The following OPCML variants were observed in gnomAD, a reference collection of about 807,000 sequenced individuals.
OPCML encodes the protein opioid binding protein/cell adhesion molecule like.
A neutral mutation model predicts 37.8 loss-of-function variants in OPCML; 13 were observed. That is an observed-to-expected ratio of 0.34 (90% confidence interval 0.22 to 0.55). The LOEUF (loss-of-function observed/expected upper bound fraction) is 0.55, where lower values mean the gene tolerates loss of function less well. Among genes scored for constraint, OPCML ranks in the 20% least tolerant of loss-of-function variants. OPCML has a pLI of 0.91. For synonymous variants in OPCML, 176 were observed against 168.8 expected (o/e 1.04, Z -0.33); for missense variants, 341 against 435.6 (o/e 0.78, Z 1.93).
chr11:132,851,639 A>AT, intron 2 of OPCML, among the ~76,000 whole-genome samples: 1 of 152,360 alleles, frequency 6.6e-6, no homozygotes, highest in South Asian at 2.1e-4. Flanking sequence ...TGGCAATAAA[A>AT]TATTTACTAA....
At chr11:132,495,287 T>C (rs2137090097) in intron 4 of OPCML, among the ~76,000 whole-genome samples, 1 of 152,260 alleles carries the variant, frequency 6.6e-6, no homozygotes, top group East Asian at 1.9e-4. Flanking sequence ...AAAACTGTAA[T>C]AAGACAACTA....
At chr11:132,836,312 G>A (rs1243255044) in intron 2 of OPCML, among the ~76,000 whole-genome samples, 1 of 152,100 alleles carries the variant, frequency 6.6e-6, no homozygotes, top group Admixed American at 6.5e-5. Flanking sequence ...TGCCTGCTCA[G>A]CATTATCTGT....
At chr11:132,437,564 T>C in intron 4 of OPCML, 1 of 757,238 alleles carries the variant, frequency 1.3e-6, no homozygotes, top group Non-Finnish European at 1.6e-6. Flanking sequence ...CTTGCATCAA[T>C]GTATTTTCAG....
In OPCML at chr11:132,935,080, G is replaced by A. The variant is rs559034467; in HGVS notation, c.146+7846C>T. On this transcript the variant is annotated intron_variant, in intron 2 of 7. Coordinates refer to ENST00000524381, the MANE Select transcript of OPCML (RefSeq NM_001012393.5). ...CTTGAACCCAGGAGGTGGAGGTTGC[G>A]GTGAGCCAAGATCGCACCATTGCAC... is the stretch of plus-strand genomic sequence containing the variant. Among the ~76,000 whole-genome samples the A allele has an allele frequency of 2.2e-4, 34 of 151,406 alleles. 1 individual carries two copies. The highest frequency in any genetic ancestry group is 3.4e-3 in the Middle Eastern group (1 of 294).
intron 3 of OPCML, among the ~76,000 whole-genome samples, chr11:132,610,605 T>G (rs1938580223): frequency 6.6e-6 from 1 of 152,146 alleles, no homozygotes; most frequent in South Asian, 2.1e-4. Context: ...CGCTCGGAAC[T>G]AGGGGAGTGG....
intron 1 of OPCML, among the ~76,000 whole-genome samples, chr11:133,160,032 AAT>A (rs1950119962): frequency 6.6e-6 from 1 of 152,352 alleles, no homozygotes; most frequent in South Asian, 2.1e-4. Context: ...ACACTGGCTT[AAT>A]CACATAATGT....
intron 2 of OPCML, among the ~76,000 whole-genome samples, chr11:132,821,326 C>T (rs971886784): frequency 6.6e-6 from 1 of 152,170 alleles, no homozygotes; most frequent in African/African-American, 2.4e-5. Context: ...AGCACAGGCT[C>T]CTTTCAACCA....
chr11:132,548,221 G>C (rs180795551), intron 3 of OPCML, among the ~76,000 whole-genome samples: 1 of 152,306 alleles, frequency 6.6e-6, no homozygotes, highest in Non-Finnish European at 1.5e-5. Flanking sequence ...AGGGTGCAGA[G>C]AGTAAAAGGA....
intron 1 of OPCML, among the ~76,000 whole-genome samples, chr11:133,476,781 G>A (rs1947249924): frequency 6.6e-6 from 1 of 152,160 alleles, no homozygotes; most frequent in Non-Finnish European, 1.5e-5. Flanking sequence ...AGGGCCGGTA[G>A]TTTTGGCCCA....
At chr11:132,759,622 T>C (rs1030686545) in intron 2 of OPCML, among the ~76,000 whole-genome samples, 1 of 152,184 alleles carries the variant, frequency 6.6e-6, no homozygotes, top group Non-Finnish European at 1.5e-5. Flanking sequence ...TGGTAGTTTG[T>C]GTTTCTTTGG....
intron 3 of OPCML, among the ~76,000 whole-genome samples, chr11:132,643,845 T>G (rs1311654249): frequency 6.6e-6 from 1 of 152,130 alleles, no homozygotes; most frequent in Non-Finnish European, 1.5e-5. Context: ...GTGTGTGTGT[T>G]TTGCTAATTG....
intron 1 of OPCML, chr11:133,066,909 C>T (rs894377340): frequency 3.9e-5 from 6 of 152,136 alleles, no homozygotes; most frequent in African/African-American, 1.4e-4. Flanking sequence ...GAACTCCTGA[C>T]CTCAGATGAT....
At chr11:132,944,788 G>T (rs1229927517) in intron 1 of OPCML, among the ~76,000 whole-genome samples, 1 of 152,162 alleles carries the variant, frequency 6.6e-6, no homozygotes, top group Non-Finnish European at 1.5e-5. Flanking sequence ...CCCCTCGGGA[G>T]GCCCTCTCCG....
At chr11:133,375,663 T>A (rs1301222725) in intron 1 of OPCML, among the ~76,000 whole-genome samples, 3 of 152,246 alleles carry the variant, frequency 2.0e-5, no homozygotes, top group South Asian at 4.1e-4. Flanking sequence ...TACTTACACT[T>A]ATCTGTCCTT....
At chr11:132,485,917 T>A (rs1421948871) in intron 4 of OPCML, among the ~76,000 whole-genome samples, 1 of 152,326 alleles carries the variant, frequency 6.6e-6, no homozygotes, top group African/African-American at 2.4e-5. Context: ...AGGAGTGGAA[T>A]TGCAGTGCCA....
intron 1 of OPCML, among the ~76,000 whole-genome samples, chr11:133,108,353 T>A (rs945692402): frequency 2.6e-5 from 4 of 152,238 alleles, no homozygotes; most frequent in African/African-American, 9.6e-5. Flanking sequence ...CACAGATACC[T>A]GGCTACACAT....
At chr11:133,200,738 T>C (rs1053552244) in intron 1 of OPCML, among the ~76,000 whole-genome samples, 7 of 152,142 alleles carry the variant, frequency 4.6e-5, no homozygotes, top group Non-Finnish European at 8.8e-5. Context: ...GTAGAAGAAT[T>C]AAAAATAAAA....
At position 133,273,124 on chromosome 11, in the gene OPCML, G is replaced by T. The variant is rs115114981; in HGVS notation, c.61+259140C>A. 7.9e-3 allele frequency among the ~76,000 whole-genome samples: 1,207 copies of T among 152,194 alleles called. 18 individuals carry two copies. Among genetic ancestry groups the T allele is most frequent in the Middle Eastern group, 0.027 (8 of 294 alleles). ...CAGATAGCAGCCACCCACTGAAAGTGGATGTCCCTCCCTAGGACGCACGAC... is the reference window on the plus strand; with the variant it reads ...CAGATAGCAGCCACCCACTGAAAGTTGATGTCCCTCCCTAGGACGCACGAC... On this transcript the variant is annotated intron_variant, in intron 1 of 7. Transcript: ENST00000524381.
At position 133,033,672 on chromosome 11, in the gene OPCML, C is replaced by G. The variant is rs976755415; in HGVS notation, c.62-90662G>C. 9.9e-5 allele frequency among the ~76,000 whole-genome samples: 15 copies of G among 152,248 alleles called. No individual in the cohort carries two copies. In the East Asian group the frequency reaches 1.4e-3, roughly 14 times the overall value. ...ATTATTTTTTGAATAGAGCATTTTG[C>G]TATATTAACAAATCAGTGAGGTAAG... On this transcript the variant is annotated intron_variant, in intron 1 of 7. Coordinates refer to ENST00000524381, the MANE Select transcript of OPCML (RefSeq NM_001012393.5).
Sources: gnomAD v4.1 joint callset for allele counts (sites outside exome capture counted in the v4.1 genomes callset) on GRCh38, gnomAD v4.1.1 for gene constraint, MANE v1.5 for transcripts, NCBI Gene and HGNC (gene_info 2026-07-23, HGNC 2026-07-21) for gene names.